The following SLC9C1 variants were observed in gnomAD, a reference collection of about 807,000 sequenced individuals.
SLC9C1 encodes solute carrier family 9 member C1.
SLC9C1 carries 97 observed loss-of-function variants against 140.9 expected under a neutral mutation model. The observed-to-expected ratio is 0.69, with a 90% CI of 0.58 to 0.82. The LOEUF is 0.82. SLC9C1 is among the 40% of genes least tolerant of loss of function. The pLI is 0.00. For synonymous variants in SLC9C1, 440 were observed against 442.6 expected, an observed-to-expected ratio of 0.99 and a Z score of 0.07; for missense variants, 1,340 against 1,389.3, an observed-to-expected ratio of 0.96 and a Z score of 0.56.
At chr3:112,263,538 A>G (rs2108295105) in intron 9 of SLC9C1, among the ~76,000 whole-genome samples, 1 of 151,504 alleles carries the variant, frequency 6.6e-6, no homozygotes. Context: ...CTTCAGTCAT[A>G]TATCATTCCT....
intron 26 of SLC9C1, among the ~76,000 whole-genome samples, chr3:112,160,270 T>C (rs1180330882): frequency 6.6e-6 from 1 of 151,502 alleles, no homozygotes; most frequent in Non-Finnish European, 1.5e-5. Context: ...TTTTAAGTTT[T>C]TTTTCTTTTA....
chr3:112,218,687 A>G (rs4638935), intron 14 of SLC9C1, among the ~76,000 whole-genome samples: 114,859 of 152,138 alleles, frequency 0.75, 43,770 homozygotes, highest in East Asian at 0.99. Flanking sequence ...GATGAAACAT[A>G]TAAATACCAA....
chr3:112,260,943 C>T (rs2079754921), intron 10 of SLC9C1, among the ~76,000 whole-genome samples: 1 of 152,046 alleles, frequency 6.6e-6, no homozygotes, highest in Non-Finnish European at 1.5e-5. Context: ...CAATTCTTCC[C>T]TCCATGATAC....
chr3:112,178,943 C>A (rs186135394), intron 23 of SLC9C1, among the ~76,000 whole-genome samples: 1 of 152,288 alleles, frequency 6.6e-6, no homozygotes, highest in Non-Finnish European at 1.5e-5. Context: ...ATGTTTACTT[C>A]TTTCTCTTAA....
At chr3:112,176,066 G>C (rs1201560328) in intron 23 of SLC9C1, among the ~76,000 whole-genome samples, 1 of 152,172 alleles carries the variant, frequency 6.6e-6, no homozygotes, top group African/African-American at 2.4e-5. Context: ...GGTATCTAAG[G>C]CTCCTAGGGC....
chr3:112,199,977 A>G (rs556912347), intron 19 of SLC9C1, among the ~76,000 whole-genome samples: 29 of 152,180 alleles, frequency 1.9e-4, no homozygotes, highest in Non-Finnish European at 3.7e-4. Flanking sequence ...CCTGAAGTCC[A>G]TGAAAATTTC....
chr3:112,179,631 A>G lies in SLC9C1; in HGVS notation c.2819T>C (p.Ile940Thr), dbSNP rs780593369. Residue 940 changes from isoleucine (I) to threonine (T), a missense_variant, in exon 23 of 29, where the codon ATT (isoleucine) becomes ACT (threonine). Ile to Thr is a moderately conservative substitution (Grantham distance 89). Coordinates refer to ENST00000305815, the MANE Select transcript of SLC9C1 (RefSeq NM_183061.3). ...VESKEKDFPI[I>T]DTDYMLSGEI... ...TCCACTGAGCATATAGTCTGTGTCA[A>G]TTATCGGAAAATCTTTCTCCTTTGA... is the stretch of plus-strand genomic sequence containing the variant. 1.9e-6 allele frequency: 3 copies of G among 1,611,536 alleles called. No homozygotes were observed. Among genetic ancestry groups the G allele is most frequent in the South Asian group, 2.2e-5 (2 of 90,312 alleles).
chr3:112,168,781 G>T, intron 25 of SLC9C1, 96 bp downstream of exon 25: 2 of 1,187,940 alleles, frequency 1.7e-6, no homozygotes, highest in Non-Finnish European at 2.3e-6. Context: ...ATTGGAAGAT[G>T]AAAAGCTTAA....
chr3:112,194,746 A>G (rs928449762), intron 20 of SLC9C1, among the ~76,000 whole-genome samples: 1 of 152,012 alleles, frequency 6.6e-6, no homozygotes, highest in African/African-American at 2.4e-5. Flanking sequence ...TACTTTTCCA[A>G]CAACAGTGTA....
At chr3:112,182,963 G>T (rs145964545) in intron 20 of SLC9C1, among the ~76,000 whole-genome samples, 35 of 152,216 alleles carry the variant, frequency 2.3e-4, no homozygotes, top group Middle Eastern at 3.4e-3. Flanking sequence ...TTTCATCGTT[G>T]TATAGTATTC....
rs1246339404 is a variant in SLC9C1 at position 112,185,556 on chromosome 3, A to G, written c.2524-3298T>C. On this transcript the variant is annotated intron_variant, in intron 20 of 28. Coordinates refer to ENST00000305815, the MANE Select transcript of SLC9C1 (RefSeq NM_183061.3). ...GGCCCCGTCAGGCGATCTCCGCAGC[A>G]CACACACTGTGGGCACCTGTGCCCG... is the stretch of plus-strand genomic sequence containing the variant. 6.8e-6 allele frequency: 11 copies of G among 1,612,914 alleles called. 1 individual carries two copies. In the Admixed American group the frequency reaches 1.7e-4, roughly 24 times the overall value.
At chr3:112,180,499 G>A (rs1488022584) in intron 22 of SLC9C1, 65 bp downstream of exon 22, 2 of 1,345,646 alleles carry the variant, frequency 1.5e-6, no homozygotes, top group African/African-American at 1.5e-5. Flanking sequence ...CTCCAGCTTG[G>A]GCAACAAGAG....
At chr3:112,167,902 G>A (rs543384694) in intron 25 of SLC9C1, among the ~76,000 whole-genome samples, 8 of 152,064 alleles carry the variant, frequency 5.3e-5, no homozygotes, top group Non-Finnish European at 1.2e-4. Flanking sequence ...ACATGTTCAA[G>A]GATAGAGGTA....
chr3:112,143,829 G>A (rs371423602), intron 28 of SLC9C1, among the ~76,000 whole-genome samples: 2 of 152,036 alleles, frequency 1.3e-5, no homozygotes, highest in Admixed American at 6.5e-5. Flanking sequence ...CGAGAATAGT[G>A]TTTCCTAGGT....
Position 112,240,129 on chromosome 3 carries a change from G to C in SLC9C1, c.1280-123C>G. ...TTTAAATAAAATTTCAACATAAACT[G>C]TTTAATAATGGGAATACTAAAGAGT... On this transcript the variant is annotated intron_variant, in intron 11 of 28. Transcript: ENST00000305815. 4 of 888,766 alleles carry C rather than the reference G, an allele frequency of 4.5e-6. No individual in the cohort carries two copies. In the East Asian group the frequency reaches 8.2e-5, roughly 18 times the overall value. The allele number at this position is 888,766 out of a possible 1,614,324, so 55.1% of individuals were successfully genotyped here. A position where few individuals can be genotyped will look rare whatever the true frequency, so the allele number is the denominator to read the frequency against.
In SLC9C1 at chr3:112,262,991, T is replaced by C; in HGVS notation, c.1130A>G (p.Asn377Ser). The part of the protein sequence containing the change: ...MVCSEMKGMP[N>S]INMALLLAYS... ...GGCAAGCAGAAGGGCCATGTTTATA[T>C]TAGGCATCCCCTTCATTTCACTACA... The change falls in exon 10 of 29, where the codon AAT becomes AGT. Residue 377 changes from asparagine (N) to serine (S), a missense_variant. Physicochemically the swap from Asn to Ser is conservative, Grantham distance 46. Transcript: ENST00000305815. The C allele has an allele frequency of 6.2e-7, 1 of 1,606,684 alleles. No homozygotes were observed. The highest frequency in any genetic ancestry group is 1.1e-5 in the South Asian group (1 of 89,694).
At chr3:112,235,514 G>C (rs1455166403) in intron 12 of SLC9C1, among the ~76,000 whole-genome samples, 2 of 150,594 alleles carry the variant, frequency 1.3e-5, no homozygotes, top group Non-Finnish European at 3.0e-5. Flanking sequence ...ACACTATGTT[G>C]AATAGGAGTG....
chr3:112,222,252 G>C (rs1167442659), intron 13 of SLC9C1, among the ~76,000 whole-genome samples: 2 of 152,116 alleles, frequency 1.3e-5, no homozygotes, highest in Non-Finnish European at 2.9e-5. Flanking sequence ...AAAGCAATTA[G>C]ATACTAGAAG....
chr3:112,180,075 G>A (rs1400816254), intron 22 of SLC9C1, among the ~76,000 whole-genome samples: 1 of 152,176 alleles, frequency 6.6e-6, no homozygotes, highest in Non-Finnish European at 1.5e-5. Flanking sequence ...ATGATGGATA[G>A]TGTTATCCAT....
Sources: allele counts gnomAD v4.1 joint callset (sites outside exome capture counted in the v4.1 genomes callset), GRCh38; gene constraint gnomAD v4.1.1; transcripts MANE v1.5; gene names NCBI Gene and HGNC (gene_info 2026-07-23, HGNC 2026-07-21).